HMGCLL1: variants seen among roughly 807,000 people sequenced by gnomAD.
HMGCLL1 encodes the protein 3-hydroxy-3-methylglutaryl-CoA lyase like 1, also known as 3-hydroxymethyl-3-methylglutaryl-CoA lyase, cytoplasmic.
Under a neutral mutation model 39.1 loss-of-function variants are expected in HMGCLL1, and 36 were observed. That is an observed-to-expected ratio of 0.92 (90% CI 0.71 to 1.22). The LOEUF (loss-of-function observed/expected upper bound fraction) is 1.22, where lower values mean the gene tolerates loss of function less well. Among genes scored for constraint, HMGCLL1 ranks in the 50% most tolerant of loss-of-function variants. The pLI, the probability that HMGCLL1 is intolerant of heterozygous loss-of-function variation, is 0.00. For synonymous variants in HMGCLL1, 149 were observed against 144.0 expected (o/e 1.03, Z -0.25); for missense variants, 451 against 416.5 (o/e 1.08, Z -0.72).
the HMGCLL1 span, among the ~76,000 whole-genome samples, chr6:55,598,483 A>G: frequency 7.9e-5 from 12 of 152,268 alleles, no homozygotes; most frequent in African/African-American, 2.6e-4. Context: ...TCAACCAGTC[A>G]ATAGCAGCCT....
intron 7 of HMGCLL1, among the ~76,000 whole-genome samples, chr6:55,447,983 TAGA>T (rs578226412): frequency 1.1e-3 from 164 of 152,254 alleles, no homozygotes; most frequent in Non-Finnish European, 2.0e-3. Flanking sequence ...GGGTGTGAAT[TAGA>T]AGAAGAACAT....
intron 7 of HMGCLL1, among the ~76,000 whole-genome samples, chr6:55,472,948 ACT>A (rs1189709337): frequency 6.6e-6 from 1 of 151,412 alleles, no homozygotes; most frequent in Non-Finnish European, 1.5e-5. Flanking sequence ...AAAATTTACA[ACT>A]GTTATTTCTT....
intron 7 of HMGCLL1, among the ~76,000 whole-genome samples, chr6:55,476,972 C>A (rs1465809840): frequency 9.0e-6 from 1 of 111,184 alleles, no homozygotes; most frequent in Non-Finnish European, 2.1e-5. Context: ...ATTCGCTGTC[C>A]TTATGTGTAA....
chr6:55,481,824 A>C (rs186650225), intron 7 of HMGCLL1, among the ~76,000 whole-genome samples: 15 of 152,092 alleles, frequency 9.9e-5, no homozygotes, highest in Non-Finnish European at 1.5e-4. Context: ...CTACCTACCT[A>C]TCTATTTATC....
chr6:55,504,957 G>T (rs1210870648), intron 5 of HMGCLL1, among the ~76,000 whole-genome samples: 1 of 151,546 alleles, frequency 6.6e-6, no homozygotes. Context: ...ACATTATTCA[G>T]ATGACATAGT....
At chr6:55,669,211 C>T in the HMGCLL1 span, among the ~76,000 whole-genome samples, 1 of 151,676 alleles carries the variant, frequency 6.6e-6, no homozygotes, top group Non-Finnish European at 1.5e-5. Context: ...AAAGTTTCGC[C>T]AACTGAATAA....
intron 1 of HMGCLL1, among the ~76,000 whole-genome samples, chr6:55,574,124 T>C (rs1335685443): frequency 6.8e-6 from 1 of 147,816 alleles, no homozygotes; most frequent in Non-Finnish European, 1.5e-5. Flanking sequence ...TGTGTGTGTG[T>C]ATATATATAC....
intron 6 of HMGCLL1, among the ~76,000 whole-genome samples, chr6:55,497,217 T>C (rs1051525596): frequency 1.3e-5 from 2 of 152,082 alleles, no homozygotes. Context: ...CATGTGACAC[T>C]GGGCAGAAGA....
At chr6:55,591,203 A>ACACACTATGTGTG in the HMGCLL1 span, among the ~76,000 whole-genome samples, 1 of 152,002 alleles carries the variant, frequency 6.6e-6, no homozygotes, top group East Asian at 1.9e-4. Flanking sequence ...CTGACTCTTC[A>ACACACTATGTGTG]TTCTAGAGAT....
At chr6:55,571,420 G>T (rs1054880476) in intron 1 of HMGCLL1, among the ~76,000 whole-genome samples, 2 of 152,192 alleles carry the variant, frequency 1.3e-5, no homozygotes, top group African/African-American at 4.8e-5. Context: ...TATAAAATAA[G>T]AATGCTGAAA....
At chr6:55,637,703 T>C in the HMGCLL1 span, among the ~76,000 whole-genome samples, 1 of 140,524 alleles carries the variant, frequency 7.1e-6, no homozygotes, top group Non-Finnish European at 1.5e-5. Flanking sequence ...GTCTTCCTTC[T>C]ATAATTTGAT....
the HMGCLL1 span, among the ~76,000 whole-genome samples, chr6:55,637,026 A>G: frequency 6.6e-6 from 1 of 152,192 alleles, no homozygotes; most frequent in South Asian, 2.1e-4. Context: ...CTTTTTAAAG[A>G]GCCAGCTAAA....
At chr6:55,539,957 G>A (rs1466140994) in intron 3 of HMGCLL1, among the ~76,000 whole-genome samples, 1 of 27,918 alleles carries the variant, frequency 3.6e-5, no homozygotes, top group African/African-American at 1.7e-4. Context: ...AGGAAGGAAG[G>A]AAGGAAGGAA....
chr6:55,641,897 TA>T, the HMGCLL1 span, among the ~76,000 whole-genome samples: 2 of 147,876 alleles, frequency 1.4e-5, no homozygotes, highest in African/African-American at 2.4e-5. Flanking sequence ...TTTATTTATT[TA>T]TTTATTTATT....
chr6:55,608,190 C>T, the HMGCLL1 span, among the ~76,000 whole-genome samples: 1 of 152,156 alleles, frequency 6.6e-6, no homozygotes, highest in East Asian at 1.9e-4. Flanking sequence ...ACTGCTACTA[C>T]TTTTTCTGAT....
the HMGCLL1 span, among the ~76,000 whole-genome samples, chr6:55,593,788 C>CA: frequency 3.9e-5 from 6 of 152,096 alleles, no homozygotes; most frequent in Non-Finnish European, 5.9e-5. Context: ...AACAGTTTCT[C>CA]ATATATTAGT....
chr6:55,638,753 A>G, the HMGCLL1 span, among the ~76,000 whole-genome samples: 1 of 152,166 alleles, frequency 6.6e-6, no homozygotes, highest in African/African-American at 2.4e-5. Flanking sequence ...CTGTTTTCAT[A>G]TGTTCCTAAC....
chr6:55,570,755 C>A (rs2127475896), intron 1 of HMGCLL1, among the ~76,000 whole-genome samples: 1 of 152,302 alleles, frequency 6.6e-6, no homozygotes, highest in African/African-American at 2.4e-5. Context: ...TGGCAGCTCA[C>A]TTATTAAGTC....
At chr6:55,626,407 G>A in the HMGCLL1 span, among the ~76,000 whole-genome samples, 66 of 152,146 alleles carry the variant, frequency 4.3e-4, 1 homozygote, top group Non-Finnish European at 3.4e-4. Flanking sequence ...CATGTTCCCC[G>A]TTATCCTGAA....
Sources: gnomAD v4.1 joint callset for allele counts (sites outside exome capture counted in the v4.1 genomes callset) on GRCh38, gnomAD v4.1.1 for gene constraint, MANE v1.5 for transcripts, NCBI Gene and HGNC (gene_info 2026-07-23, HGNC 2026-07-21) for gene names.